The following PTPRD variants were observed in gnomAD, a reference collection of about 807,000 sequenced individuals.
PTPRD encodes protein tyrosine phosphatase receptor type D.
PTPRD carries 34 observed loss-of-function variants against 214.5 expected under a neutral mutation model. That is an observed-to-expected ratio of 0.16 (90% CI 0.12 to 0.21). The LOEUF is 0.21. PTPRD is among the 10% of genes least tolerant of loss of function. The pLI, the probability that PTPRD is intolerant of heterozygous loss-of-function variation, is 1.00. For missense variants in PTPRD, 2,545 were observed against 2,398.7 expected (o/e 1.06, Z -1.27); for synonymous variants, 1,128 against 845.7 (o/e 1.33, Z -5.79).
chr9:8,687,737 A>G (rs1396584486), intron 12 of PTPRD, among the ~76,000 whole-genome samples: 2 of 151,590 alleles, frequency 1.3e-5, no homozygotes, highest in African/African-American at 4.9e-5. Flanking sequence ...TAGGTAAAAT[A>G]AGAGTTTTTT....
intron 11 of PTPRD, among the ~76,000 whole-genome samples, chr9:8,782,862 C>T (rs1409174281): frequency 6.6e-6 from 1 of 152,138 alleles, no homozygotes; most frequent in Non-Finnish European, 1.5e-5. Context: ...CCGCAAAGGG[C>T]TGGGATTACA....
chr9:9,960,111 G>C (rs2094247714), intron 4 of PTPRD, among the ~76,000 whole-genome samples: 1 of 151,470 alleles, frequency 6.6e-6, no homozygotes. Context: ...CTAGGTCTGA[G>C]GCAGGAAATA....
chr9:10,557,895 C>T (rs2062977941), intron 2 of PTPRD, among the ~76,000 whole-genome samples: 1 of 152,104 alleles, frequency 6.6e-6, no homozygotes, highest in African/African-American at 2.4e-5. Flanking sequence ...AAATTATTAT[C>T]ATCAGGACTG....
rs1311906242 is a variant in PTPRD at position 8,523,539 on chromosome 9, G to C, written c.680-15C>G. 1.9e-6 allele frequency: 3 copies of C among 1,612,946 alleles called. No individual in the cohort carries two copies. Among genetic ancestry groups the C allele is most frequent in the Non-Finnish European group, 1.7e-6 (2 of 1,179,350 alleles). On this transcript the variant is annotated splice_polypyrimidine_tract_variant and intron_variant, in intron 18 of 45. Coordinates refer to ENST00000381196, the MANE Select transcript of PTPRD (RefSeq NM_002839.4). The stretch of plus-strand genomic sequence containing the variant: ...TTCTCGCAGCTCTGAGGGATGTAGG[G>C]GGTTTGATGCAGAACACAATGAAAT...
At chr9:9,600,349 A>C (rs1308264328) in intron 7 of PTPRD, among the ~76,000 whole-genome samples, 8 of 152,122 alleles carry the variant, frequency 5.3e-5, no homozygotes. Context: ...GAAAAGATAC[A>C]ACTGTAATAA....
intron 2 of PTPRD, among the ~76,000 whole-genome samples, chr9:10,394,796 A>C (rs1587103404): frequency 6.6e-6 from 1 of 151,714 alleles, no homozygotes; most frequent in Non-Finnish European, 1.5e-5. Context: ...AATAAACGTC[A>C]ATATAAACTT....
At chr9:10,152,592 G>A (rs780433557) in intron 3 of PTPRD, among the ~76,000 whole-genome samples, 3 of 152,142 alleles carry the variant, frequency 2.0e-5, no homozygotes, top group East Asian at 1.9e-4. Context: ...TTGGGAGGCC[G>A]AGGTGGGCGG....
chr9:8,771,389 C>A (rs1937423558), intron 11 of PTPRD, among the ~76,000 whole-genome samples: 1 of 152,020 alleles, frequency 6.6e-6, no homozygotes, highest in African/African-American at 2.4e-5. Context: ...GAATTTAGAA[C>A]CAAGGAAAGT....
At chr9:9,261,798 T>C (rs1006490681) in intron 9 of PTPRD, among the ~76,000 whole-genome samples, 3 of 151,752 alleles carry the variant, frequency 2.0e-5, no homozygotes, top group Non-Finnish European at 4.4e-5. Context: ...GTGTGGCTCC[T>C]TCGTTATTTC....
chr9:8,536,570 A>T (rs1475345769), intron 14 of PTPRD, among the ~76,000 whole-genome samples: 1 of 152,008 alleles, frequency 6.6e-6, no homozygotes, highest in Non-Finnish European at 1.5e-5. Context: ...GAAATGGAAG[A>T]GTGTGAAAAG....
chr9:9,391,163 C>T (rs1031298861), intron 9 of PTPRD, among the ~76,000 whole-genome samples: 5 of 150,306 alleles, frequency 3.3e-5, no homozygotes, highest in South Asian at 2.1e-4. Flanking sequence ...TTCTATGTTA[C>T]ACATTTACTG....
intron 21 of PTPRD, among the ~76,000 whole-genome samples, chr9:8,510,506 G>A (rs1010171514): frequency 2.0e-5 from 3 of 152,078 alleles, no homozygotes; most frequent in East Asian, 1.9e-4. Context: ...CCCAGCTTCC[G>A]ATTTCCTTCA....
In PTPRD at chr9:10,520,945, C is replaced by G. The variant is rs997497138; in HGVS notation, c.-600+91453G>C. Among the ~76,000 whole-genome samples the G allele has an allele frequency of 1.4e-4, 21 of 151,112 alleles. No homozygotes were observed. The Admixed American group carries it at 1.4e-3, about 10-fold the overall frequency. On this transcript the variant is annotated intron_variant, in intron 2 of 45. Transcript: ENST00000381196. ...GACAATGCATCTAGTTGCCAAGGTG[C>G]AAGAAGATTAATGTTGTTTTATGCC...
At position 9,565,491 on chromosome 9, in the gene PTPRD, C is replaced by A. The variant is rs1335934967; in HGVS notation, c.-237+9241G>T. ...ATTTTGATACCTCACAATCTGAATG[C>A]AGAATGATGATGGATTTCTGAAGAA... On this transcript the variant is annotated intron_variant, in intron 8 of 45. Transcript: ENST00000381196. 2.6e-5 allele frequency among the ~76,000 whole-genome samples: 4 copies of A among 151,790 alleles called. No individual in the cohort carries two copies. The East Asian group carries it at 7.7e-4, about 29-fold the overall frequency.
At chr9:10,077,336 C>T (rs1419301158) in intron 3 of PTPRD, among the ~76,000 whole-genome samples, 2 of 152,252 alleles carry the variant, frequency 1.3e-5, no homozygotes, top group East Asian at 3.9e-4. Flanking sequence ...CAAATGTACT[C>T]TAGCTTCCTA....
intron 10 of PTPRD, among the ~76,000 whole-genome samples, chr9:9,158,456 TG>T (rs1430615732): frequency 6.6e-6 from 1 of 151,864 alleles, no homozygotes; most frequent in Non-Finnish European, 1.5e-5. Flanking sequence ...AAAAATTAGC[TG>T]GGCATGGTGG....
intron 11 of PTPRD, among the ~76,000 whole-genome samples, chr9:8,839,936 T>C (rs1175444541): frequency 2.0e-5 from 3 of 152,190 alleles, no homozygotes; most frequent in African/African-American, 7.2e-5. Flanking sequence ...AAATTCACCA[T>C]ACAGTACAAA....
intron 11 of PTPRD, among the ~76,000 whole-genome samples, chr9:8,960,286 G>C (rs2099152124): frequency 6.6e-6 from 1 of 152,094 alleles, no homozygotes; most frequent in Admixed American, 6.6e-5. Flanking sequence ...ATTATCATTA[G>C]TTATCATGAT....
At chr9:10,407,730 T>C (rs545866186) in intron 2 of PTPRD, among the ~76,000 whole-genome samples, 19 of 151,740 alleles carry the variant, frequency 1.3e-4, no homozygotes, top group African/African-American at 4.3e-4. Flanking sequence ...CATGTATGTA[T>C]AATGATTTTT....
Sources: allele counts gnomAD v4.1 joint callset (sites outside exome capture counted in the v4.1 genomes callset), GRCh38; gene constraint gnomAD v4.1.1; transcripts MANE v1.5; gene names NCBI Gene and HGNC (gene_info 2026-07-23, HGNC 2026-07-21).